Variants in FREM2 observed in about 807,000 individuals in gnomAD.
The protein encoded by FREM2 is FRAS1-related extracellular matrix protein 2.
Under a neutral mutation model 219.9 loss-of-function variants are expected in FREM2, and 119 were observed. That is an observed-to-expected ratio of 0.54 (90% CI 0.47 to 0.63). The LOEUF is 0.63. Ranked by LOEUF, FREM2 falls within the 30% of genes least tolerant of loss-of-function variation. FREM2 has a pLI of 0.00. For missense variants in FREM2, 4,030 were observed against 3,993.6 expected, an observed-to-expected ratio of 1.01 and a Z score of -0.25; for synonymous variants, 1,562 against 1,522.8, an observed-to-expected ratio of 1.03 and a Z score of -0.60.
chr13:38,852,458 A>T (rs1253395562), intron 11 of FREM2, among the ~76,000 whole-genome samples: 1 of 152,158 alleles, frequency 6.6e-6, no homozygotes, highest in Admixed American at 6.5e-5. Context: ...TAGTTACCAG[A>T]TTAAATAATA....
At chr13:38,696,093 A>T (rs2138077260) in intron 1 of FREM2, among the ~76,000 whole-genome samples, 1 of 152,268 alleles carries the variant, frequency 6.6e-6, no homozygotes, top group African/African-American at 2.4e-5. Context: ...GGATTGCTTG[A>T]GGCCAGCCTG....
In FREM2 at chr13:38,878,892, T is replaced by A; in HGVS notation, c.8921T>A (p.Leu2974Gln). ...GGAAATGTCCTATTTAATGCCAAAC[T>A]AGCAGTGGATGACCCTGAAGCCATT... is the stretch of plus-strand genomic sequence containing the variant. The part of the protein sequence containing the change: ...SFGNVLFNAK[L>Q]AVDDPEAILL... Residue 2974 changes from leucine to glutamine, a missense_variant, in exon 23 of 24, where the codon CTA becomes CAA. Physicochemically the swap from Leu to Gln is moderately radical, Grantham distance 113. Coordinates refer to ENST00000280481, the MANE Select transcript of FREM2 (RefSeq NM_207361.6). 1.2e-6 allele frequency: 2 copies of A among 1,614,034 alleles called. No individual in the cohort carries two copies. Among genetic ancestry groups the A allele is most frequent in the Non-Finnish European group, 1.7e-6 (2 of 1,179,888 alleles).
At chr13:38,723,684 G>A (rs1216022962) in intron 2 of FREM2, among the ~76,000 whole-genome samples, 1 of 152,164 alleles carries the variant, frequency 6.6e-6, no homozygotes, top group Non-Finnish European at 1.5e-5. Flanking sequence ...ATGCCCTGAA[G>A]CATGCATTGT....
At chr13:38,863,956 C>A (rs1370758612) in intron 15 of FREM2, among the ~76,000 whole-genome samples, 1 of 152,036 alleles carries the variant, frequency 6.6e-6, no homozygotes, top group Non-Finnish European at 1.5e-5. Context: ...CCTCAGCCTC[C>A]CAAGTAGCTG....
chr13:38,872,958 T>C (rs374113326), intron 17 of FREM2, 24 bp downstream of exon 17: 59 of 1,608,208 alleles, frequency 3.7e-5, no homozygotes, highest in Non-Finnish European at 4.8e-5. Flanking sequence ...ACTTGGAAAA[T>C]TCTATAGTTT....
At position 38,856,240 on chromosome 13, in the gene FREM2, T is replaced by A. The variant is rs776423808; in HGVS notation, c.7040T>A (p.Met2347Lys). The A allele has an allele frequency of 1.2e-6, 2 of 1,612,686 alleles. No individual in the cohort carries two copies. Among genetic ancestry groups the A allele is most frequent in the East Asian group, 2.2e-5 (1 of 44,796 alleles). ...FTVHLKPDENMIAEMQLTKAI... is the reference protein window; with the variant it reads ...FTVHLKPDENKIAEMQLTKAI... ...GTTCACCTAAAACCTGATGAAAATATGATAGCAGAGATGCAGGTAAGTAAT... is the reference window on the plus strand; with the variant it reads ...GTTCACCTAAAACCTGATGAAAATAAGATAGCAGAGATGCAGGTAAGTAAT... The change falls in exon 12 of 24, where the codon ATG (methionine) becomes AAG (lysine). Residue 2347 changes from methionine to lysine, a missense_variant. By Grantham distance (95) the Met-to-Lys change is moderately conservative. Coordinates refer to ENST00000280481, the MANE Select transcript of FREM2 (RefSeq NM_207361.6).
In FREM2 at chr13:38,699,475, T is replaced by C. The variant is rs898015850; in HGVS notation, c.5263+1688T>C. On this transcript the variant is annotated intron_variant, in intron 2 of 23. Transcript: ENST00000280481. ...GTGAAGAATGACTAGCTGAAGGGGC[T>C]CGGTTTATGTTTGAATTTGCTGAAA... Among the ~76,000 whole-genome samples the C allele has an allele frequency of 7.9e-5, 12 of 152,146 alleles. 1 individual carries two copies. The highest frequency in any genetic ancestry group is 7.2e-4 in the Admixed American group (11 of 15,266).
At chr13:38,863,574 G>T (rs1246618939) in intron 15 of FREM2, among the ~76,000 whole-genome samples, 1 of 152,052 alleles carries the variant, frequency 6.6e-6, no homozygotes, top group Admixed American at 6.5e-5. Context: ...ATGATGAGTG[G>T]CACTTTTATA....
At chr13:38,875,178 T>A (rs1878300567) in intron 18 of FREM2, among the ~76,000 whole-genome samples, 1 of 152,024 alleles carries the variant, frequency 6.6e-6, no homozygotes, top group Non-Finnish European at 1.5e-5. Context: ...ACAAGGACAT[T>A]TCACTAGAAA....
chr13:38,747,557 A>G (rs984383264), intron 2 of FREM2, among the ~76,000 whole-genome samples: 2 of 152,138 alleles, frequency 1.3e-5, no homozygotes, highest in Admixed American at 6.5e-5. Flanking sequence ...TATAAATAAC[A>G]TTGAAGTAAG....
At chr13:38,815,906 C>T (rs207473699) in intron 6 of FREM2, among the ~76,000 whole-genome samples, 1 of 152,090 alleles carries the variant, frequency 6.6e-6, no homozygotes, top group Non-Finnish European at 1.5e-5. Context: ...TCCCATAGAC[C>T]CCACCTCTGA....
chr13:38,825,797 A>G (rs762340700), intron 6 of FREM2, among the ~76,000 whole-genome samples: 2 of 152,124 alleles, frequency 1.3e-5, no homozygotes, highest in Non-Finnish European at 2.9e-5. Context: ...TGCCATGAGC[A>G]TCACTCATAT....
In FREM2 at chr13:38,880,849, T is replaced by C; in HGVS notation, c.*62T>C. On this transcript the variant is annotated 3_prime_UTR_variant, in exon 24 of 24. Coordinates refer to ENST00000280481, the MANE Select transcript of FREM2 (RefSeq NM_207361.6). ...CTCGGAAAAGATCACAATGGAACCT[T>C]AAATACTTCTGGTAAACCATAGAGA... The C allele has an allele frequency of 6.4e-7, 1 of 1,569,454 alleles. No homozygotes were observed. The highest frequency in any genetic ancestry group is 2.2e-5 in the East Asian group (1 of 44,456).
intron 4 of FREM2, among the ~76,000 whole-genome samples, chr13:38,780,101 G>A (rs147914400): frequency 5.3e-5 from 8 of 152,076 alleles, no homozygotes; most frequent in African/African-American, 1.4e-4. Context: ...ATTTCCATTC[G>A]GACCTCTCCA....
intron 2 of FREM2, among the ~76,000 whole-genome samples, chr13:38,701,333 G>A (rs1356599166): frequency 6.6e-6 from 1 of 152,056 alleles, no homozygotes; most frequent in Non-Finnish European, 1.5e-5. Context: ...TAATGAGCTC[G>A]TGTATATATG....
At chr13:38,824,754 A>G (rs909641218) in intron 6 of FREM2, among the ~76,000 whole-genome samples, 13 of 152,042 alleles carry the variant, frequency 8.6e-5, no homozygotes, top group African/African-American at 2.4e-4. Flanking sequence ...CAAAATGCCT[A>G]TCTACAATAG....
chr13:38,759,596 T>C (rs1244731838), intron 2 of FREM2, among the ~76,000 whole-genome samples: 1 of 152,342 alleles, frequency 6.6e-6, no homozygotes, highest in East Asian at 1.9e-4. Flanking sequence ...GGAGTGTGGT[T>C]ATCAGCTGTC....
At chr13:38,764,960 G>C (rs572498524) in intron 3 of FREM2, among the ~76,000 whole-genome samples, 1 of 152,272 alleles carries the variant, frequency 6.6e-6, no homozygotes, top group African/African-American at 2.4e-5. Context: ...GCCCAGGTTG[G>C]AGTGCAGTGG....
chr13:38,687,889 T>A lies in FREM2; in HGVS notation c.545T>A (p.Val182Glu). 5.0e-6 allele frequency: 8 copies of A among 1,584,472 alleles called. No homozygotes were observed. The highest frequency in any genetic ancestry group is 6.9e-6 in the Non-Finnish European group (8 of 1,163,050). ...VEVVFTQLEV[V>E]TRNLPLVVEE... ...GTGGTCTTCACCCAGCTGGAGGTTG[T>A]GACTCGGAACTTGCCTCTGGTCGTG... Residue 182 changes from valine (V) to glutamate (E), a missense_variant, in exon 1 of 24, where the codon GTG (valine) becomes GAG (glutamate). Val to Glu is a moderately radical substitution (Grantham distance 121). Coordinates refer to ENST00000280481, the MANE Select transcript of FREM2 (RefSeq NM_207361.6).
Sources: allele counts gnomAD v4.1 joint callset (sites outside exome capture counted in the v4.1 genomes callset), GRCh38; gene constraint gnomAD v4.1.1; transcripts MANE v1.5; gene names NCBI Gene and HGNC (gene_info 2026-07-23, HGNC 2026-07-21).